DONSON: variants seen among roughly 807,000 people sequenced by gnomAD.
DONSON encodes protein downstream neighbor of Son.
In DONSON, 43 loss-of-function variants were observed where a neutral mutation model predicts 62.1. The ratio of observed to expected loss-of-function variants is 0.69; its 90% CI spans 0.54 to 0.89. The LOEUF (loss-of-function observed/expected upper bound fraction) is 0.89, where lower values mean the gene tolerates loss of function less well. DONSON is among the 40% of genes least tolerant of loss of function. The pLI is 0.00. For synonymous variants in DONSON, 266 were observed against 264.6 expected, an observed-to-expected ratio of 1.01 and a Z score of -0.05; for missense variants, 696 against 697.5, an observed-to-expected ratio of 1.00 and a Z score of 0.03.
intron 9 of DONSON, 25 bp downstream of exon 9, chr21:33,579,325 A>G (rs772954078): frequency 3.4e-6 from 5 of 1,483,878 alleles, no homozygotes; most frequent in Non-Finnish European, 4.5e-6. Flanking sequence ...CAACTAAAAC[A>G]GTCTGCTCAT....
chr21:33,588,327 CG>C lies in DONSON; in HGVS notation c.314del (p.Pro105ArgfsTer5). The C allele has an allele frequency of 1.6e-6, 2 of 1,289,174 alleles. No homozygotes were observed. The highest frequency in any genetic ancestry group is 9.8e-7 in the Non-Finnish European group (1 of 1,022,624). The allele number at this position is 1,289,174 out of a possible 1,614,324, so 79.9% of individuals were successfully genotyped here. ...DGPAREQPEAPVPFLDSNQEN... is the reference protein window; with the variant it reads ...DGPAREQPEAXVPFLDSNQEN... ...CAGGCTACAAGACACTCACCGGGACCGGGGCCTCCGGCTGCTCGCGGGCCGG... is the reference window on the plus strand; with the variant it reads ...CAGGCTACAAGACACTCACCGGGACCGGGCCTCCGGCTGCTCGCGGGCCGG... On this transcript the variant is annotated frameshift_variant, in exon 1 of 10. Coordinates refer to ENST00000303071, the MANE Select transcript of DONSON (RefSeq NM_017613.4). LOFTEE classifies it high-confidence loss of function.
chr21:33,578,495 CAG>C (rs1475058917), intron 9 of DONSON, 51 bp from the exon 10 acceptor site: 1 of 1,539,252 alleles, frequency 6.5e-7, no homozygotes, highest in Admixed American at 1.9e-5. Context: ...TCTTTAAACA[CAG>C]AAGAGTTAAA....
At position 33,577,690 on chromosome 21, in the gene DONSON, CA is replaced by C. The variant is rs2086448221; in HGVS notation, c.*616del. The C allele has an allele frequency of 1.1e-4, 13 of 116,564 alleles. No homozygotes were observed. The highest frequency in any genetic ancestry group is 1.8e-4 in the Admixed American group (2 of 10,982). The allele number at this position is 116,564 out of a possible 1,614,324, so 7.2% of individuals were successfully genotyped here. A position where few individuals can be genotyped will look rare whatever the true frequency, so the allele number is the denominator to read the frequency against. On this transcript the variant is annotated 3_prime_UTR_variant, in exon 10 of 10. Coordinates refer to ENST00000303071, the MANE Select transcript of DONSON (RefSeq NM_017613.4). The stretch of plus-strand genomic sequence containing the variant: ...ACACACACACACACACACACACACA[CA>C]CACACACACACCCCTATAAGCACAT...
rs2086576151 is a variant in DONSON at position 33,586,237 on chromosome 21, C to T, written c.403-56G>A. The T allele has an allele frequency of 6.3e-6, 9 of 1,434,156 alleles. No homozygotes were observed. In the South Asian group the frequency reaches 1.1e-4, roughly 17 times the overall value. The allele number at this position is 1,434,156 out of a possible 1,614,324, so 88.8% of individuals were successfully genotyped here. A position where few individuals can be genotyped will look rare whatever the true frequency, so the allele number is the denominator to read the frequency against. On this transcript the variant is annotated intron_variant, in intron 2 of 9. Transcript: ENST00000303071. ...CGAGTATCAAGAAAAAACCTTCAAC[C>T]TAAAGATTTTATCAGCTAACATGAT...
At position 33,588,447 on chromosome 21, in the gene DONSON, G is replaced by A; in HGVS notation, c.195C>T (p.Gly65=). The A allele has an allele frequency of 5.4e-6, 7 of 1,306,402 alleles. No homozygotes were observed. Among genetic ancestry groups the A allele is most frequent in the Non-Finnish European group, 6.8e-6 (7 of 1,028,458 alleles). The allele number at this position is 1,306,402 out of a possible 1,614,324, so 80.9% of individuals were successfully genotyped here. The change falls in exon 1 of 10, where the codon GGC becomes GGT. Residue 65 remains glycine, a synonymous_variant. Transcript: ENST00000303071. ...LRPFPAAGGR[G]GGSGGGPAAA... is the part of the protein sequence containing the mutation. ...CGGCCGGGCCGCCGCCGCTGCCACC[G>A]CCTCTGCCCCCCGCAGCAGGGAAAG...
At position 33,586,187 on chromosome 21, in the gene DONSON, G is replaced by GA; in HGVS notation, c.403-7dup. ...GAGAATGATACATGTGAAGTCTTTAGAAAACAAAGAATGCAAAAATTAGTC... is the reference window on the plus strand; with the variant it reads ...GAGAATGATACATGTGAAGTCTTTAGAAAAACAAAGAATGCAAAAATTAGTC... On this transcript the variant is annotated splice_region_variant and splice_polypyrimidine_tract_variant and intron_variant, in intron 2 of 9. Transcript: ENST00000303071. 1 of 1,612,492 alleles carries GA rather than the reference G, an allele frequency of 6.2e-7. No homozygotes were observed. The highest frequency in any genetic ancestry group is 1.1e-5 in the South Asian group (1 of 90,964).
rs2086514308 is a variant in DONSON, at chr21:33,581,846, T to C, written c.1151+105A>G. ...ATGGAGAATTAGTTTTAATATGACC[T>C]GAAGATAATTTAAGATTATAATCAT... is the stretch of plus-strand genomic sequence containing the variant. On this transcript the variant is annotated intron_variant, in intron 7 of 9. Coordinates refer to ENST00000303071, the MANE Select transcript of DONSON (RefSeq NM_017613.4). 42 of 1,019,968 alleles carry C rather than the reference T, an allele frequency of 4.1e-5. No individual in the cohort carries two copies. The South Asian group carries it at 4.9e-4, about 12-fold the overall frequency. The allele number at this position is 1,019,968 out of a possible 1,614,324, so 63.2% of individuals were successfully genotyped here. A position where few individuals can be genotyped will look rare whatever the true frequency, so the allele number is the denominator to read the frequency against.
At chr21:33,581,622 C>T (rs946816153) in intron 7 of DONSON, 122 bp from the exon 8 acceptor site, 7 of 799,522 alleles carry the variant, frequency 8.8e-6, no homozygotes, top group African/African-American at 7.0e-5. Context: ...CCTCTTGCTA[C>T]CTCTCTTTAC....
chr21:33,586,274 A>G, intron 2 of DONSON, 93 bp from the exon 3 acceptor site: 1 of 1,018,842 alleles, frequency 9.8e-7, no homozygotes, highest in Non-Finnish European at 1.5e-6. Flanking sequence ...ACTGAAAAGT[A>G]AAAATCATAT....
chr21:33,586,388 T>C (rs1329425277), intron 2 of DONSON, among the ~76,000 whole-genome samples: 1 of 152,156 alleles, frequency 6.6e-6, no homozygotes, highest in Non-Finnish European at 1.5e-5. Flanking sequence ...GAAGCGGGAA[T>C]TTGTTGTTGG....
intron 7 of DONSON, 36 bp from the exon 8 acceptor site, chr21:33,581,536 T>G (rs1489761397): frequency 1.3e-6 from 2 of 1,569,332 alleles, no homozygotes; most frequent in African/African-American, 2.7e-5. Flanking sequence ...CAAAAGCAAA[T>G]CTCACCTAAT....
rs767260621 is a variant in DONSON at position 33,586,229 on chromosome 21, C to G, written c.403-48G>C. 59 of 1,494,906 alleles carry G rather than the reference C, an allele frequency of 3.9e-5. No individual in the cohort carries two copies. The East Asian group carries it at 1.3e-3, about 34-fold the overall frequency. The allele number at this position is 1,494,906 out of a possible 1,614,324, so 92.6% of individuals were successfully genotyped here. ...AAATTAGTCGAGTATCAAGAAAAAA[C>G]CTTCAACCTAAAGATTTTATCAGCT... On this transcript the variant is annotated intron_variant, in intron 2 of 9. Coordinates refer to ENST00000303071, the MANE Select transcript of DONSON (RefSeq NM_017613.4).
chr21:33,583,439 T>C lies in DONSON; in HGVS notation c.964+49A>G, dbSNP rs534744181. 3.3e-5 allele frequency: 47 copies of C among 1,415,516 alleles called. No individual in the cohort carries two copies. The South Asian group carries it at 4.7e-4, about 14-fold the overall frequency. The allele number at this position is 1,415,516 out of a possible 1,614,324, so 87.7% of individuals were successfully genotyped here. On this transcript the variant is annotated intron_variant, in intron 5 of 9. Coordinates refer to ENST00000303071, the MANE Select transcript of DONSON (RefSeq NM_017613.4). ...AATTTAAATAGCTTTTAGGCCAAAATAGGTTTACTATATAGTATAGTATTC... is the reference window on the plus strand; with the variant it reads ...AATTTAAATAGCTTTTAGGCCAAAACAGGTTTACTATATAGTATAGTATTC...
chr21:33,578,283 T>A lies in DONSON; in HGVS notation c.*24A>T. On this transcript the variant is annotated 3_prime_UTR_variant, in exon 10 of 10. Transcript: ENST00000303071. ...GCTAGAAGGCTTTTTTCCTCAAAGA[T>A]TCCTTTTAGGCTTACTTTGGTGTTC... 1.3e-6 allele frequency: 2 copies of A among 1,597,724 alleles called. No individual in the cohort carries two copies. The highest frequency in any genetic ancestry group is 1.7e-6 in the Non-Finnish European group (2 of 1,171,732).
rs79498318 is a variant in DONSON at position 33,579,195 on chromosome 21, C to T, written c.1563+155G>A. 8.4e-3 allele frequency among the ~76,000 whole-genome samples: 1,276 copies of T among 152,040 alleles called. 23 individuals are homozygous for T. The highest frequency in any genetic ancestry group is 0.03 in the African/African-American group (1,229 of 41,504). The stretch of plus-strand genomic sequence containing the variant: ...CATGAAAGCTACCTCACATAAACAA[C>T]TTACAGACATTATTCCTTCCTCTAG... On this transcript the variant is annotated intron_variant, in intron 9 of 9. Coordinates refer to ENST00000303071, the MANE Select transcript of DONSON (RefSeq NM_017613.4).
chr21:33,582,433 G>A (rs186128828), intron 5 of DONSON, among the ~76,000 whole-genome samples, 187 bp from the exon 6 acceptor site: 3 of 152,140 alleles, frequency 2.0e-5, no homozygotes, highest in Admixed American at 1.3e-4. Flanking sequence ...AAAGAGGTTC[G>A]GGAAACAACA....
chr21:33,588,554 C>A lies in DONSON; in HGVS notation c.88G>T (p.Gly30Ter). Residue 30 changes from glycine (G) to a stop codon, truncating the protein, a stop_gained, in exon 1 of 10, where the codon GGA becomes TGA. Coordinates refer to ENST00000303071, the MANE Select transcript of DONSON (RefSeq NM_017613.4). LOFTEE classifies it high-confidence loss of function. Reference sequence around the variant, plus strand: ...TCACGGGGCGGGGAGGCGGCAGCTCCACGGCTCCGGGCCCTTTTCCGTCGG... The same window carrying A: ...TCACGGGGCGGGGAGGCGGCAGCTCAACGGCTCCGGGCCCTTTTCCGTCGG... ...RLRRKRARSRGAAASPPRELT... is the reference protein window; with the variant it reads ...RLRRKRARSR 1.6e-6 allele frequency: 2 copies of A among 1,248,624 alleles called. No homozygotes were observed. The highest frequency in any genetic ancestry group is 3.2e-5 in the East Asian group (1 of 31,532). 77.3% of individuals were successfully genotyped at this position (1,248,624 alleles called of 1,614,324 possible).
Position 33,586,093 on chromosome 21 carries a change from A to C in DONSON, c.491T>G (p.Leu164Arg). ...GGTAAAGGGTTGAGAAGAGGTGAAAAGGAGTCGCGTTTTAATACTCCAGTC... is the reference window on the plus strand; with the variant it reads ...GGTAAAGGGTTGAGAAGAGGTGAAACGGAGTCGCGTTTTAATACTCCAGTC... Reference protein sequence around the residue: ...PVDWSIKTRLLFTSSQPFTWA... With the variant: ...PVDWSIKTRLRFTSSQPFTWA... The change falls in exon 3 of 10, where the codon CTT (leucine) becomes CGT (arginine). Residue 164 changes from leucine to arginine, a missense_variant. By Grantham distance (102) the Leu-to-Arg change is moderately radical (BLOSUM62 -2). Coordinates refer to ENST00000303071, the MANE Select transcript of DONSON (RefSeq NM_017613.4). 6.2e-7 allele frequency: 1 copy of C among 1,614,162 alleles called. No individual in the cohort carries two copies. Among genetic ancestry groups the C allele is most frequent in the Non-Finnish European group, 8.5e-7 (1 of 1,180,018 alleles).
chr21:33,584,014 T>TTATATATATATATATA (rs57309977), intron 4 of DONSON, among the ~76,000 whole-genome samples: 15 of 121,538 alleles, frequency 1.2e-4, no homozygotes, highest in Admixed American at 4.6e-4. Flanking sequence ...GGCTGCGTGT[T>TTATATATATATATATA]TATATATATA....
Sources: allele counts gnomAD v4.1 joint callset (sites outside exome capture counted in the v4.1 genomes callset), GRCh38; gene constraint gnomAD v4.1.1; transcripts MANE v1.5; gene names NCBI Gene and HGNC (gene_info 2026-07-23, HGNC 2026-07-21).